PFAS: variants seen among roughly 807,000 people sequenced by gnomAD.
The protein encoded by PFAS is phosphoribosylformylglycinamidine synthase.
PFAS carries 97 observed loss-of-function variants against 140.6 expected under a neutral mutation model. The ratio of observed to expected loss-of-function variants is 0.69; its 90% confidence interval spans 0.59 to 0.82. The LOEUF is 0.82. Ranked by LOEUF, PFAS falls within the 40% of genes least tolerant of loss-of-function variation. The pLI is 0.00. For missense variants in PFAS, 1,656 were observed against 1,780.2 expected, an observed-to-expected ratio of 0.93 and a Z score of 1.26; for synonymous variants, 679 against 718.8, an observed-to-expected ratio of 0.94 and a Z score of 0.88.
chr17:8,263,007 G>C lies in PFAS; in HGVS notation c.1410+14G>C, dbSNP rs1345727872. 3 of 1,613,048 alleles carry C rather than the reference G, an allele frequency of 1.9e-6. No homozygotes were observed. The African/African-American group carries it at 4.0e-5, about 22-fold the overall frequency. On this transcript the variant is annotated intron_variant, in intron 12 of 27. Coordinates refer to ENST00000314666, the MANE Select transcript of PFAS (RefSeq NM_012393.3). ...TCATCTGTGCAGGTGAGTGGGAATT[G>C]CTAAAGGTGCAGAATCCTTGATATA...
intron 9 of PFAS, 80 bp from the exon 10 acceptor site, chr17:8,257,727 T>C: frequency 6.7e-7 from 1 of 1,492,516 alleles, no homozygotes. Context: ...TGGCCTTGAC[T>C]CTTCCTGAAG....
In PFAS at chr17:8,263,125, C is replaced by T; in HGVS notation, c.1427C>T (p.Thr476Ile). 1 of 1,614,040 alleles carries T rather than the reference C, an allele frequency of 6.2e-7. No homozygotes were observed. The highest frequency in any genetic ancestry group is 8.5e-7 in the Non-Finnish European group (1 of 1,179,902). ...TGCCCCCAGGTGCAGGGAGATAACA[C>T]CAGTGACCTGGACTTTGGGGCTGTG... is the stretch of plus-strand genomic sequence containing the variant. ...ASSVQVQGDN[T>I]SDLDFGAVQR... The change falls in exon 13 of 28, where the codon ACC becomes ATC. Residue 476 changes from threonine (T) to isoleucine (I), a missense_variant. Coordinates refer to ENST00000314666, the MANE Select transcript of PFAS (RefSeq NM_012393.3).
chr17:8,253,275 A>T (rs994616409), intron 1 of PFAS, among the ~76,000 whole-genome samples: 6 of 152,182 alleles, frequency 3.9e-5, no homozygotes, highest in Non-Finnish European at 7.3e-5. Context: ...CTTGATTCAC[A>T]GCGGTGTTTC....
Position 8,269,204 on chromosome 17 carries a change from C to A in PFAS, c.3957C>A (p.Thr1319=), listed in dbSNP as rs1989943659. The change falls in exon 28 of 28, where the codon ACC becomes ACA. Residue 1319 remains threonine (T), a synonymous_variant. Coordinates refer to ENST00000314666, the MANE Select transcript of PFAS (RefSeq NM_012393.3). ...WRPPPFDTLT[T]SPWLQLFINA... The stretch of plus-strand genomic sequence containing the variant: ...CCCCTCCATTTGATACTCTGACCAC[C>A]TCCCCCTGGCTCCAGCTCTTTATCA... The A allele has an allele frequency of 1.9e-6, 3 of 1,613,350 alleles. No homozygotes were observed. In the African/African-American group the frequency reaches 4.0e-5, roughly 22 times the overall value.
Position 8,253,794 on chromosome 17 carries a change from C to T in PFAS, c.-79-65C>T, listed in dbSNP as rs183061366. The T allele has an allele frequency of 2.7e-5, 34 of 1,242,262 alleles. No homozygotes were observed. In the East Asian group the frequency reaches 8.3e-4, roughly 30 times the overall value. 77.0% of individuals were successfully genotyped at this position (1,242,262 alleles called of 1,614,324 possible). ...CCTCAGGCAATCCACCTGCCTCAGT[C>T]TCCCAAAGTGCTGGGGTTACAGATG... is the stretch of plus-strand genomic sequence containing the variant. On this transcript the variant is annotated intron_variant, in intron 1 of 27. Transcript: ENST00000314666.
rs1301787402 is a variant in PFAS at position 8,269,127 on chromosome 17, G to A, written c.3880G>A (p.Val1294Ile). The A allele has an allele frequency of 1.2e-6, 2 of 1,614,006 alleles. No homozygotes were observed. Among genetic ancestry groups the A allele is most frequent in the Non-Finnish European group, 1.7e-6 (2 of 1,180,022 alleles). The stretch of plus-strand genomic sequence containing the variant: ...CTCCTGTGATGGCCGCCACCTGGCT[G>A]TCATGCCTCACCCTGAGCGGGCCGT... ...ICSCDGRHLAVMPHPERAVRP... is the reference protein window; with the variant it reads ...ICSCDGRHLAIMPHPERAVRP... The change falls in exon 28 of 28, where the codon GTC (valine) becomes ATC (isoleucine). Residue 1294 changes from valine to isoleucine, a missense_variant. This residue lies in a region of PFAS where 883 missense variants were observed against 1,023.0 expected (regional missense o/e 0.86). Coordinates refer to ENST00000314666, the MANE Select transcript of PFAS (RefSeq NM_012393.3).
At position 8,263,585 on chromosome 17, in the gene PFAS, A is replaced by C. The variant is rs1337096715; in HGVS notation, c.1578A>C (p.Leu526=). ...DQGAGGNGNV[L]KELSDPAGAI... is the part of the protein sequence containing the mutation. ...CAACCCTCTCACCAGGCAATGTCCTAAAAGAGCTGAGTGACCCAGCTGGAG... is the reference window on the plus strand; with the variant it reads ...CAACCCTCTCACCAGGCAATGTCCTCAAAGAGCTGAGTGACCCAGCTGGAG... The change falls in exon 14 of 28, where the codon CTA becomes CTC. Residue 526 remains leucine (L), a synonymous_variant. Coordinates refer to ENST00000314666, the MANE Select transcript of PFAS (RefSeq NM_012393.3). 2 of 1,613,826 alleles carry C rather than the reference A, an allele frequency of 1.2e-6. No individual in the cohort carries two copies. The highest frequency in any genetic ancestry group is 1.7e-6 in the Non-Finnish European group (2 of 1,179,726).
upstream of PFAS, chr17:8,248,071 T>A: frequency 1.3e-6 from 1 of 743,034 alleles, no homozygotes; most frequent in Non-Finnish European, 2.1e-6. Flanking sequence ...GAGGGGCAGG[T>A]GCTCGCTTGG....
chr17:8,250,168 T>C (rs1485441800), intron 1 of PFAS, among the ~76,000 whole-genome samples: 2 of 152,116 alleles, frequency 1.3e-5, no homozygotes, highest in Non-Finnish European at 2.9e-5. Flanking sequence ...GGTTGGTGCA[T>C]TGTGGGTGAA....
rs1989825161 is a variant in PFAS at position 8,266,642 on chromosome 17, C to G, written c.2822-111C>G. 1 of 1,509,032 alleles carries G rather than the reference C, an allele frequency of 6.6e-7. No individual in the cohort carries two copies. The highest frequency in any genetic ancestry group is 2.3e-5 in the East Asian group (1 of 44,034). The allele number at this position is 1,509,032 out of a possible 1,614,324, so 93.5% of individuals were successfully genotyped here. ...TCCTCCCTGATCCCTACCCTACTCT[C>G]TGGCTGCATCCCTCTGACCCTCACC... On this transcript the variant is annotated intron_variant, in intron 22 of 27. Transcript: ENST00000314666. The surrounding 1 kb of genome is among the most constrained non-coding windows in gnomAD (Gnocchi z 5.0).
At chr17:8,256,226 C>T (rs748315593) in intron 6 of PFAS, 41 bp from the exon 7 acceptor site, 32 of 1,601,170 alleles carry the variant, frequency 2.0e-5, no homozygotes, top group South Asian at 3.3e-5. Flanking sequence ...GAAATGACCC[C>T]GTTTCCACCT....
chr17:8,260,059 C>G (rs1989528919), intron 11 of PFAS, among the ~76,000 whole-genome samples: 1 of 151,828 alleles, frequency 6.6e-6, no homozygotes, highest in African/African-American at 2.4e-5. Context: ...CAAGTTTACG[C>G]CACTGCACTC....
chr17:8,261,071 T>G (rs1989572065), intron 11 of PFAS, among the ~76,000 whole-genome samples: 1 of 152,236 alleles, frequency 6.6e-6, no homozygotes, highest in African/African-American at 2.4e-5. Context: ...TTTTACATTC[T>G]CTCTGGCAGT....
chr17:8,268,006 TTATA>T (rs199810130), intron 26 of PFAS, among the ~76,000 whole-genome samples: 1 of 137,526 alleles, frequency 7.3e-6, no homozygotes, highest in South Asian at 2.1e-4. Flanking sequence ...AATATATTAT[TTATA>T]TATATTATTT....
chr17:8,266,380 GC>G lies in PFAS; in HGVS notation c.2821+30del. 1.2e-6 allele frequency: 2 copies of G among 1,613,644 alleles called. No homozygotes were observed. The highest frequency in any genetic ancestry group is 2.2e-5 in the South Asian group (2 of 91,020). ...TAAGGAACCTGGGGTCTAGTCTCAG[GC>G]CCGGGCTGCCTTCTCTACCCTGCAG... is the stretch of plus-strand genomic sequence containing the variant. On this transcript the variant is annotated intron_variant, in intron 22 of 27. Coordinates refer to ENST00000314666, the MANE Select transcript of PFAS (RefSeq NM_012393.3). This position sits in a 1 kb window ranked among gnomAD's most constrained non-coding sequence, Gnocchi z 5.0.
chr17:8,265,429 AT>A lies in PFAS; in HGVS notation c.2423del (p.Met808ArgfsTer31). 1 of 1,614,114 alleles carries A rather than the reference AT, an allele frequency of 6.2e-7. No homozygotes were observed. The highest frequency in any genetic ancestry group is 8.5e-7 in the Non-Finnish European group (1 of 1,179,992). ...AVDGGKDSLS[M>X]AARVGTETVR... is the part of the protein sequence containing the mutation. ...GGATGGTGGCAAGGACTCCCTCAGC[AT>A]GGCTGCTCGGGTTGGCACTGAGACC... is the stretch of plus-strand genomic sequence containing the variant. On this transcript the variant is annotated frameshift_variant, in exon 19 of 28. Transcript: ENST00000314666. LOFTEE classifies it high-confidence loss of function.
At position 8,269,340 on chromosome 17, in the gene PFAS, G is replaced by A. The variant is rs1989948455; in HGVS notation, c.*76G>A. On this transcript the variant is annotated 3_prime_UTR_variant, in exon 28 of 28. Coordinates refer to ENST00000314666, the MANE Select transcript of PFAS (RefSeq NM_012393.3). The stretch of plus-strand genomic sequence containing the variant: ...CTGCCCCCTCCCCCATGACCTTCAG[G>A]AGCACCCCATATTATTTCCAAAAAT... 3.9e-6 allele frequency: 4 copies of A among 1,026,920 alleles called. No individual in the cohort carries two copies. The highest frequency in any genetic ancestry group is 5.7e-6 in the Non-Finnish European group (4 of 697,360). The allele number at this position is 1,026,920 out of a possible 1,614,324, so 63.6% of individuals were successfully genotyped here.
chr17:8,248,085 TGGGGATGGGGGTGGGGGGGC>T, upstream of PFAS: 1 of 121,170 alleles, frequency 8.3e-6, no homozygotes, highest in Non-Finnish European at 1.7e-5. Context: ...CGCTTGGGGG[TGGGGATGGGGGTGGGGGGGC>T]GCTCGGTGAC....
In PFAS at chr17:8,269,143, A is replaced by C; in HGVS notation, c.3896A>C (p.Glu1299Ala). 2 of 1,613,886 alleles carry C rather than the reference A, an allele frequency of 1.2e-6. No homozygotes were observed. The highest frequency in any genetic ancestry group is 1.7e-6 in the Non-Finnish European group (2 of 1,180,006). Residue 1299 changes from glutamate to alanine, a missense_variant, in exon 28 of 28, where the codon GAG (glutamate) becomes GCG (alanine). Glu to Ala is a moderately radical substitution (Grantham distance 107). Transcript: ENST00000314666. ...CACCTGGCTGTCATGCCTCACCCTG[A>C]GCGGGCCGTTAGGCCTTGGCAGTGG... ...GRHLAVMPHP[E>A]RAVRPWQWAW...
Sources: gnomAD v4.1 joint callset for allele counts (sites outside exome capture counted in the v4.1 genomes callset) on GRCh38, gnomAD v4.1.1 for gene constraint, gnomAD v4.1.1 regional missense constraint, Gnocchi (gnomAD v3.1) non-coding constraint, MANE v1.5 for transcripts, NCBI Gene and HGNC (gene_info 2026-07-23, HGNC 2026-07-21) for gene names.